Variants in TANC1 observed in about 807,000 individuals in gnomAD.
TANC1 encodes protein TANC1.
A neutral mutation model predicts 149.7 loss-of-function variants in TANC1; 77 were observed. The observed-to-expected ratio is 0.51, with a 90% CI of 0.43 to 0.62. TANC1 has a LOEUF of 0.62. TANC1 is among the 20% of genes least tolerant of loss of function. The pLI is 0.00. For missense variants in TANC1, 1,985 were observed against 2,321.8 expected (o/e 0.85, Z 2.98); for synonymous variants, 854 against 925.0 (o/e 0.92, Z 1.39).
At chr2:159,050,515 G>A (rs2149587311) in intron 2 of TANC1, among the ~76,000 whole-genome samples, 1 of 152,344 alleles carries the variant, frequency 6.6e-6, no homozygotes, top group African/African-American at 2.4e-5. Flanking sequence ...CAAGGCTTAG[G>A]GTGCCAAGGC....
At position 159,178,139 on chromosome 2, in the gene TANC1, C is replaced by T. The variant is rs73002951; in HGVS notation, c.1903-417C>T. 8.6e-3 allele frequency among the ~76,000 whole-genome samples: 1,317 copies of T among 152,352 alleles called. 18 individuals carry two copies. Among genetic ancestry groups the T allele is most frequent in the African/African-American group, 0.03 (1,228 of 41,588 alleles). On this transcript the variant is annotated intron_variant, in intron 13 of 26. Coordinates refer to ENST00000263635, the MANE Select transcript of TANC1 (RefSeq NM_033394.3). ...TAAAGAAGGATGTCTTTTATCTTGG[C>T]GTCTGGCCGTGTTCTTAGATGTGCA...
chr2:159,132,353 T>TG (rs2050189902), intron 4 of TANC1, among the ~76,000 whole-genome samples: 1 of 152,198 alleles, frequency 6.6e-6, no homozygotes, highest in Non-Finnish European at 1.5e-5. Context: ...GGGAACCAGG[T>TG]GGGCCTGGTC....
chr2:159,224,590 T>C (rs2059906373), intron 23 of TANC1: 1 of 519,966 alleles, frequency 1.9e-6, no homozygotes, highest in Non-Finnish European at 3.4e-6. Flanking sequence ...TGAAGGACAG[T>C]CTGGAGTGGT....
chr2:158,977,134 A>G lies in TANC1; in HGVS notation c.-126+8352A>G, dbSNP rs183605699. Among the ~76,000 whole-genome samples the G allele has an allele frequency of 5.1e-3, 771 of 152,048 alleles. 8 individuals carry two copies. Among genetic ancestry groups the G allele is most frequent in the African/African-American group, 0.017 (724 of 41,492 alleles). ...AATTCCTGAGCTTCAATACGTTTTT[A>G]AAATTTTTTACTTTTTATTTTTTTA... On this transcript the variant is annotated intron_variant, in intron 1 of 26. Transcript: ENST00000263635.
chr2:159,013,163 G>A lies in TANC1; in HGVS notation c.-16+11974G>A, dbSNP rs558175783. 7.2e-5 allele frequency among the ~76,000 whole-genome samples: 11 copies of A among 152,266 alleles called. No individual in the cohort carries two copies. The East Asian group carries it at 1.9e-3, about 27-fold the overall frequency. On this transcript the variant is annotated intron_variant, in intron 2 of 26. Transcript: ENST00000263635. Reference sequence around the variant, plus strand: ...TGAACTTGCCCCAATCTGCTTTTGGGCAATAATTGGAGCATAAAATGTTGA... The same window carrying A: ...TGAACTTGCCCCAATCTGCTTTTGGACAATAATTGGAGCATAAAATGTTGA...
chr2:159,127,387 T>C (rs771986473), intron 4 of TANC1, among the ~76,000 whole-genome samples: 28 of 152,244 alleles, frequency 1.8e-4, no homozygotes, highest in Non-Finnish European at 3.4e-4. Flanking sequence ...TGAACTATCA[T>C]GGAAGACAGT....
At chr2:159,186,712 C>T (rs1426058696) in intron 15 of TANC1, 190 bp from the exon 16 acceptor site, 1 of 622,500 alleles carries the variant, frequency 1.6e-6, no homozygotes, top group Non-Finnish European at 2.8e-6. Context: ...CAGGCTGGTT[C>T]CTTGACCCTT....
chr2:159,080,851 A>G (rs1489168007), intron 3 of TANC1, among the ~76,000 whole-genome samples: 5 of 152,150 alleles, frequency 3.3e-5, no homozygotes, highest in Admixed American at 3.3e-4. Context: ...ACTGTGCCCT[A>G]TCCCTCAGCC....
At chr2:158,987,790 T>A (rs1034165126) in intron 1 of TANC1, among the ~76,000 whole-genome samples, 1 of 152,030 alleles carries the variant, frequency 6.6e-6, no homozygotes, top group Non-Finnish European at 1.5e-5. Flanking sequence ...GAAGGTAGTT[T>A]TGGGAATGGA....
chr2:159,062,741 G>A lies in TANC1; in HGVS notation c.-15-3155G>A, dbSNP rs867343665. Among the ~76,000 whole-genome samples, 98 of 152,012 alleles carry A rather than the reference G, an allele frequency of 6.4e-4. No individual in the cohort carries two copies. In the Middle Eastern group the frequency reaches 0.01, roughly 16 times the overall value. On this transcript the variant is annotated intron_variant, in intron 2 of 26. Coordinates refer to ENST00000263635, the MANE Select transcript of TANC1 (RefSeq NM_033394.3). Reference sequence around the variant, plus strand: ...CCAGCACTTTGGGAGGCCGAGGCGGGTGGATCATGAGGTCAGGAGATCGAG... The same window carrying A: ...CCAGCACTTTGGGAGGCCGAGGCGGATGGATCATGAGGTCAGGAGATCGAG...
At chr2:159,135,270 G>T (rs975992744) in intron 4 of TANC1, among the ~76,000 whole-genome samples, 2 of 152,336 alleles carry the variant, frequency 1.3e-5, no homozygotes, top group Admixed American at 6.5e-5. Flanking sequence ...AGCATGAATC[G>T]ATACTTCATT....
intron 2 of TANC1, among the ~76,000 whole-genome samples, chr2:159,007,223 C>T (rs988936619): frequency 2.7e-5 from 4 of 149,706 alleles, no homozygotes; most frequent in Non-Finnish European, 4.4e-5. Context: ...CTTGGCTCAC[C>T]GCAACCACCG....
intron 3 of TANC1, among the ~76,000 whole-genome samples, chr2:159,068,116 G>A (rs1004501108): frequency 5.9e-5 from 9 of 152,150 alleles, no homozygotes; most frequent in African/African-American, 2.2e-4. Flanking sequence ...GGTTGTATTA[G>A]GCTAGCAACA....
chr2:159,146,929 T>G (rs62171099), intron 5 of TANC1, among the ~76,000 whole-genome samples: 5,235 of 141,360 alleles, frequency 0.037, 106 homozygotes, highest in Non-Finnish European at 0.052. Context: ...AAGTTGTTTT[T>G]GGATTAAAAA....
chr2:159,037,443 G>A (rs184622566), intron 2 of TANC1, among the ~76,000 whole-genome samples: 65 of 152,090 alleles, frequency 4.3e-4, no homozygotes, highest in Middle Eastern at 3.4e-3. Context: ...GCCTATGTCC[G>A]GAATGGTATT....
At chr2:159,015,429 G>T (rs981471922) in intron 2 of TANC1, among the ~76,000 whole-genome samples, 2 of 152,202 alleles carry the variant, frequency 1.3e-5, no homozygotes, top group Non-Finnish European at 2.9e-5. Flanking sequence ...CTGGGCCTGT[G>T]ATGGGAGGGG....
chr2:159,090,499 G>A (rs368150398), intron 3 of TANC1, among the ~76,000 whole-genome samples: 55 of 152,138 alleles, frequency 3.6e-4, no homozygotes, highest in Admixed American at 2.7e-3. Context: ...AGCCTCGCTC[G>A]GCAGGGATCG....
Position 159,163,430 on chromosome 2 carries a change from C to A in TANC1, c.830C>A (p.Thr277Asn). 1 of 1,614,146 alleles carries A rather than the reference C, an allele frequency of 6.2e-7. No individual in the cohort carries two copies. Among genetic ancestry groups the A allele is most frequent in the South Asian group, 1.1e-5 (1 of 91,082 alleles). ...DNCSPVAEEE[T>N]TGSAESTLPK... is the part of the protein sequence containing the mutation. ...TGCTCCCCAGTGGCAGAAGAGGAGACCACCGGGTCAGCAGAGAGCACGCTG... is the reference window on the plus strand; with the variant it reads ...TGCTCCCCAGTGGCAGAAGAGGAGAACACCGGGTCAGCAGAGAGCACGCTG... The change falls in exon 8 of 27, where the codon ACC becomes AAC. Residue 277 changes from threonine (T) to asparagine (N), a missense_variant. Transcript: ENST00000263635.
At chr2:159,150,056 G>A (rs990810068) in intron 6 of TANC1, 6 of 234,298 alleles carry the variant, frequency 2.6e-5, no homozygotes, top group South Asian at 1.0e-4. Context: ...AAGTCTGCCT[G>A]TTTGCCATTT....
Sources: gnomAD v4.1 joint callset for allele counts (sites outside exome capture counted in the v4.1 genomes callset) on GRCh38, gnomAD v4.1.1 for gene constraint, MANE v1.5 for transcripts, NCBI Gene and HGNC (gene_info 2026-07-23, HGNC 2026-07-21) for gene names.